GRIK2: variants seen among roughly 807,000 people sequenced by gnomAD.
The protein encoded by GRIK2 is glutamate ionotropic receptor kainate type subunit 2.
In GRIK2, 32 loss-of-function variants were observed where a neutral mutation model predicts 100.3. The observed-to-expected ratio is 0.32, with a 90% CI of 0.24 to 0.43. GRIK2 has a LOEUF of 0.43. GRIK2 is among the 20% of genes least tolerant of loss of function. GRIK2 has a pLI of 1.00. For missense variants in GRIK2, 843 were observed against 1,114.9 expected (o/e 0.76, Z 3.47); for synonymous variants, 417 against 389.4 (o/e 1.07, Z -0.83).
At chr6:101,922,103 C>T (rs1353226320) in intron 12 of GRIK2, among the ~76,000 whole-genome samples, 12 of 19,984 alleles carry the variant, frequency 6.0e-4, no homozygotes, top group African/African-American at 2.3e-3. Flanking sequence ...TTCCTTCCTT[C>T]CTTCCTTCCT....
At chr6:101,556,724 GGTAACAGGT>G (rs895549808) in intron 2 of GRIK2, among the ~76,000 whole-genome samples, 3 of 152,084 alleles carry the variant, frequency 2.0e-5, no homozygotes, top group African/African-American at 4.8e-5. Context: ...GCACAAAAGA[GGTAACAGGT>G]GTGGGATATG....
rs774684198 is a variant in GRIK2 at position 101,802,364 on chromosome 6, T to G, written c.1129T>G (p.Phe377Val). 3.8e-6 allele frequency: 6 copies of G among 1,589,926 alleles called. No homozygotes were observed. The highest frequency in any genetic ancestry group is 5.1e-6 in the Non-Finnish European group (6 of 1,165,314). The change falls in exon 9 of 17, where the codon TTC (phenylalanine) becomes GTC (valine). Residue 377 changes from phenylalanine (F) to valine (V), a missense_variant. Phe to Val is a conservative substitution (Grantham distance 50, BLOSUM62 -1). Around this residue, in one of 3 missense-constraint regions of GRIK2, gnomAD observed 519 missense variants for 643.8 expected, o/e 0.81. Transcript: ENST00000369134. ...GGAAGGCCTCACAGGCAGAATAACT[T>G]TCAACAAAACCAATGGCTTGAGAAC... ...HWEGLTGRITFNKTNGLRTDF... is the reference protein window; with the variant it reads ...HWEGLTGRITVNKTNGLRTDF...
Position 101,463,415 on chromosome 6 carries a change from G to A in GRIK2, c.115+64023G>A, listed in dbSNP as rs114993800. ...TTTCTAATCAAGAGAGTTATTGACT[G>A]TCTTGATGCTAGACATAATGGTTGG... On this transcript the variant is annotated intron_variant, in intron 2 of 16. Transcript: ENST00000369134. Among the ~76,000 whole-genome samples, 339 of 152,228 alleles carry A rather than the reference G, an allele frequency of 2.2e-3. 1 individual carries two copies. Among genetic ancestry groups the A allele is most frequent in the African/African-American group, 7.7e-3 (318 of 41,530 alleles).
chr6:101,478,462 C>T (rs539702845), intron 2 of GRIK2, among the ~76,000 whole-genome samples: 2 of 141,588 alleles, frequency 1.4e-5, no homozygotes, highest in African/African-American at 5.2e-5. Context: ...TTATAAGTTA[C>T]ATTATATACA....
chr6:101,829,288 A>G (rs1782527477), intron 10 of GRIK2, among the ~76,000 whole-genome samples: 1 of 152,010 alleles, frequency 6.6e-6, no homozygotes, highest in African/African-American at 2.4e-5. Flanking sequence ...AGCCAACATC[A>G]TACTGACTGG....
chr6:101,594,206 T>G (rs1778801247), intron 2 of GRIK2, among the ~76,000 whole-genome samples: 1 of 151,830 alleles, frequency 6.6e-6, no homozygotes, highest in Non-Finnish European at 1.5e-5. Flanking sequence ...TGGAACAGGC[T>G]TGAGTGTGCC....
chr6:101,917,549 T>C (rs1789197139), intron 12 of GRIK2, among the ~76,000 whole-genome samples: 1 of 151,436 alleles, frequency 6.6e-6, no homozygotes, highest in African/African-American at 2.4e-5. Flanking sequence ...TCCATTTCTC[T>C]CCTAAATAAC....
intron 4 of GRIK2, among the ~76,000 whole-genome samples, chr6:101,662,974 C>G (rs1769740018): frequency 6.6e-6 from 1 of 152,008 alleles, no homozygotes. Flanking sequence ...AGCACAACTA[C>G]TAAAGACTTT....
rs1407524759 is a variant in GRIK2 at position 101,859,501 on chromosome 6, C to T, written c.1524+8C>T. 1 of 1,467,158 alleles carries T rather than the reference C, an allele frequency of 6.8e-7. No individual in the cohort carries two copies. Among genetic ancestry groups the T allele is most frequent in the Admixed American group, 1.7e-5 (1 of 59,774 alleles). The allele number at this position is 1,467,158 out of a possible 1,614,324, so 90.9% of individuals were successfully genotyped here. On this transcript the variant is annotated splice_region_variant and intron_variant, in intron 11 of 16. Transcript: ENST00000369134. ...CGTGAACTAATTGATCATGTAAGTCCCTTCCCTCATGATTTATTAGTTTGT... is the reference window on the plus strand; with the variant it reads ...CGTGAACTAATTGATCATGTAAGTCTCTTCCCTCATGATTTATTAGTTTGT...
chr6:101,834,188 G>A (rs1271848403), intron 10 of GRIK2, among the ~76,000 whole-genome samples: 1 of 151,734 alleles, frequency 6.6e-6, no homozygotes. Context: ...TCAATTTACT[G>A]AATCTCTTTC....
chr6:101,803,084 CAAG>C (rs1562400224), intron 9 of GRIK2, among the ~76,000 whole-genome samples: 1 of 151,676 alleles, frequency 6.6e-6, no homozygotes, highest in Admixed American at 6.6e-5. Context: ...TGATAATTGA[CAAG>C]AGATATTAAA....
intron 14 of GRIK2, among the ~76,000 whole-genome samples, chr6:101,941,305 A>G (rs1018831438): frequency 2.0e-5 from 3 of 152,136 alleles, no homozygotes; most frequent in African/African-American, 4.8e-5. Context: ...CTGGTACTAC[A>G]ACTGGAAGAG....
chr6:101,937,972 G>T (rs1189178007), intron 14 of GRIK2, among the ~76,000 whole-genome samples: 5 of 151,948 alleles, frequency 3.3e-5, no homozygotes, highest in African/African-American at 9.7e-5. Context: ...TGTTGCAAAG[G>T]CATTTTAGAC....
intron 12 of GRIK2, among the ~76,000 whole-genome samples, chr6:101,921,483 G>A (rs1190283282): frequency 9.2e-5 from 14 of 152,106 alleles, no homozygotes; most frequent in South Asian, 2.1e-4. Context: ...AAGTGAATCC[G>A]AAAGAGTTGG....
At chr6:102,028,732 T>C (rs968722979) in intron 14 of GRIK2, among the ~76,000 whole-genome samples, 1 of 151,024 alleles carries the variant, frequency 6.6e-6, no homozygotes, top group Non-Finnish European at 1.5e-5. Flanking sequence ...AATCGTTTTT[T>C]TTATTTTTGT....
Position 101,551,075 on chromosome 6 carries a change from A to G in GRIK2, c.116-70874A>G, listed in dbSNP as rs112602321. On this transcript the variant is annotated intron_variant, in intron 2 of 16. Transcript: ENST00000369134. ...TTCTGCAAAGATTGGCAGCTATAGC[A>G]AGATCACTGTGATCTCAAACTTCTC... Among the ~76,000 whole-genome samples, 710 of 152,298 alleles carry G rather than the reference A, an allele frequency of 4.7e-3. 4 individuals are homozygous for G. The highest frequency in any genetic ancestry group is 0.016 in the African/African-American group (654 of 41,566).
intron 7 of GRIK2, among the ~76,000 whole-genome samples, chr6:101,687,551 GA>G (rs1020268189): frequency 6.6e-6 from 1 of 151,796 alleles, no homozygotes; most frequent in African/African-American, 2.4e-5. Context: ...GGGATAAAAG[GA>G]AAATTTGATT....
At chr6:101,811,916 C>A (rs1781356265) in intron 9 of GRIK2, among the ~76,000 whole-genome samples, 1 of 150,646 alleles carries the variant, frequency 6.6e-6, no homozygotes. Context: ...TGTTTTCTAC[C>A]TAGAAAAAAA....
intron 10 of GRIK2, among the ~76,000 whole-genome samples, chr6:101,821,858 A>G (rs1220853590): frequency 3.9e-5 from 6 of 152,054 alleles, no homozygotes; most frequent in African/African-American, 1.4e-4. Context: ...AATATCTTAG[A>G]GGAAATTCTG....
Sources: gnomAD v4.1 joint callset for allele counts (sites outside exome capture counted in the v4.1 genomes callset) on GRCh38, gnomAD v4.1.1 for gene constraint, gnomAD v4.1.1 regional missense constraint, MANE v1.5 for transcripts, NCBI Gene and HGNC (gene_info 2026-07-23, HGNC 2026-07-21) for gene names.